SLC24A2: variants seen among roughly 807,000 people sequenced by gnomAD.
The protein encoded by SLC24A2 is sodium/potassium/calcium exchanger 2.
SLC24A2 carries 36 observed loss-of-function variants against 62.0 expected under a neutral mutation model. The observed-to-expected ratio is 0.58, with a 90% CI of 0.44 to 0.77. The LOEUF is 0.77. Ranked by LOEUF, SLC24A2 falls within the 30% of genes least tolerant of loss-of-function variation. SLC24A2 has a pLI of 0.00. For missense variants in SLC24A2, 846 were observed against 817.9 expected (o/e 1.03, Z -0.42); for synonymous variants, 358 against 294.0 (o/e 1.22, Z -2.23).
the SLC24A2 span, among the ~76,000 whole-genome samples, chr9:20,049,874 C>T: frequency 2.6e-5 from 4 of 151,976 alleles, no homozygotes; most frequent in Admixed American, 2.6e-4. Flanking sequence ...ACAGACATGG[C>T]CACTCAGGAA....
intron 7 of SLC24A2, among the ~76,000 whole-genome samples, chr9:19,558,252 C>T (rs1210796820): frequency 3.9e-5 from 6 of 152,164 alleles, no homozygotes; most frequent in African/African-American, 1.4e-4. Context: ...GAGATGCCCT[C>T]TTCTCTCCTT....
chr9:19,748,840 G>A (rs1010149022), intron 2 of SLC24A2, among the ~76,000 whole-genome samples: 2 of 151,960 alleles, frequency 1.3e-5, no homozygotes, highest in Non-Finnish European at 2.9e-5. Context: ...AGAGGAGGGT[G>A]ATAAGCAACC....
the SLC24A2 span, among the ~76,000 whole-genome samples, chr9:20,019,291 G>T: frequency 1.3e-5 from 2 of 149,728 alleles, no homozygotes; most frequent in African/African-American, 5.0e-5. Context: ...AAGAAAGAAA[G>T]AAAGAAAGAA....
intron 2 of SLC24A2, among the ~76,000 whole-genome samples, chr9:19,658,040 C>T (rs1318218751): frequency 6.6e-6 from 1 of 152,192 alleles, no homozygotes; most frequent in South Asian, 2.1e-4. Context: ...GGCCACAAAC[C>T]ATAGCATCCC....
intron 2 of SLC24A2, among the ~76,000 whole-genome samples, chr9:19,716,577 G>A (rs1002353528): frequency 9.2e-5 from 14 of 152,200 alleles, no homozygotes; most frequent in African/African-American, 3.4e-4. Context: ...ACACGGTGGT[G>A]TTCTTTTAGG....
At chr9:20,182,604 G>A in the SLC24A2 span, among the ~76,000 whole-genome samples, 1 of 152,244 alleles carries the variant, frequency 6.6e-6, no homozygotes, top group East Asian at 1.9e-4. Flanking sequence ...GTGGACACAG[G>A]GAGGGGAACA....
chr9:19,543,104 G>C (rs902257274), intron 8 of SLC24A2, among the ~76,000 whole-genome samples: 1 of 152,184 alleles, frequency 6.6e-6, no homozygotes, highest in Non-Finnish European at 1.5e-5. Context: ...CTCAATTTCA[G>C]AAGTTGTTAT....
At chr9:19,959,081 T>C in the SLC24A2 span, among the ~76,000 whole-genome samples, 1 of 152,160 alleles carries the variant, frequency 6.6e-6, no homozygotes, top group Non-Finnish European at 1.5e-5. Context: ...TGCTTTTCGC[T>C]AACCCATCTC....
chr9:19,577,127 A>T (rs1301910537), intron 5 of SLC24A2, 105 bp from the exon 6 acceptor site: 2 of 871,834 alleles, frequency 2.3e-6, no homozygotes, highest in East Asian at 4.8e-5. Flanking sequence ...TAATAGCGTG[A>T]CCACTCCATT....
intron 2 of SLC24A2, among the ~76,000 whole-genome samples, chr9:19,734,006 C>A (rs1389580142): frequency 4.6e-5 from 7 of 152,090 alleles, no homozygotes; most frequent in African/African-American, 1.7e-4. Context: ...ATGATAGAGG[C>A]AAGTCTCTCT....
the SLC24A2 span, among the ~76,000 whole-genome samples, chr9:20,105,760 T>C: frequency 6.6e-6 from 1 of 151,944 alleles, no homozygotes; most frequent in East Asian, 1.9e-4. Flanking sequence ...AGATCCAAAA[T>C]TGACACCCTA....
the SLC24A2 span, among the ~76,000 whole-genome samples, chr9:20,014,497 T>G: frequency 1.4e-5 from 2 of 143,920 alleles, no homozygotes; most frequent in East Asian, 2.0e-4. Flanking sequence ...AAAAATGTGA[T>G]ATATATATAT....
chr9:20,088,714 C>T, the SLC24A2 span, among the ~76,000 whole-genome samples: 7 of 152,300 alleles, frequency 4.6e-5, no homozygotes, highest in Admixed American at 2.6e-4. Context: ...AGGGGGCAGA[C>T]TGATTTTTTT....
rs544634233 is a variant in SLC24A2, at chr9:19,521,735, C to T, written c.1570-675G>A. ...TGTCATTGATCCTCACTTTCTCATC[C>T]ATAAACTGGGGATAATAATACCTAC... On this transcript the variant is annotated intron_variant, in intron 9 of 10. Coordinates refer to ENST00000341998, the MANE Select transcript of SLC24A2 (RefSeq NM_020344.4). Among the ~76,000 whole-genome samples, 4 of 152,266 alleles carry T rather than the reference C, an allele frequency of 2.6e-5. No homozygotes were observed. The South Asian group carries it at 8.3e-4, about 32-fold the overall frequency.
chr9:19,892,792 C>T, the SLC24A2 span, among the ~76,000 whole-genome samples: 1 of 152,066 alleles, frequency 6.6e-6, no homozygotes, highest in African/African-American at 2.4e-5. Flanking sequence ...TGAATTTTGG[C>T]CCAAGGTCAC....
chr9:20,244,624 A>C, the SLC24A2 span, among the ~76,000 whole-genome samples: 3 of 152,236 alleles, frequency 2.0e-5, no homozygotes, highest in African/African-American at 7.2e-5. Context: ...AGTTTGGTAG[A>C]TGCATGTGCT....
intron 7 of SLC24A2, among the ~76,000 whole-genome samples, chr9:19,563,058 A>G (rs554610211): frequency 6.6e-6 from 1 of 152,298 alleles, no homozygotes; most frequent in Admixed American, 6.5e-5. Flanking sequence ...GTGAGCCATG[A>G]CTGCACCACT....
rs529856648 is a variant in SLC24A2, at chr9:19,602,333, A to T, written c.1079-5054T>A. Reference sequence around the variant, plus strand: ...ATCTAGTAAGTGATGAGTTGTCCAGACTAAGATAATATGTCACAAGTGACC... The same window carrying T: ...ATCTAGTAAGTGATGAGTTGTCCAGTCTAAGATAATATGTCACAAGTGACC... On this transcript the variant is annotated intron_variant, in intron 4 of 10. Transcript: ENST00000341998. Among the ~76,000 whole-genome samples, 6 of 152,348 alleles carry T rather than the reference A, an allele frequency of 3.9e-5. No individual in the cohort carries two copies. In the South Asian group the frequency reaches 1.0e-3, roughly 26 times the overall value.
the SLC24A2 span, among the ~76,000 whole-genome samples, chr9:19,989,294 G>T: frequency 6.6e-6 from 1 of 151,982 alleles, no homozygotes; most frequent in South Asian, 2.1e-4. Context: ...GTCTCTATAA[G>T]CTTCATTTTT....
Sources: gnomAD v4.1 joint callset for allele counts (sites outside exome capture counted in the v4.1 genomes callset) on GRCh38, gnomAD v4.1.1 for gene constraint, MANE v1.5 for transcripts, NCBI Gene and HGNC (gene_info 2026-07-23, HGNC 2026-07-21) for gene names.